Variants in APBA1 observed in about 807,000 individuals in gnomAD.
APBA1 encodes the protein amyloid beta precursor protein binding family A member 1.
APBA1 carries 55 observed loss-of-function variants against 86.6 expected under a neutral mutation model. The observed-to-expected ratio is 0.64, with a 90% CI of 0.51 to 0.80. The LOEUF is 0.80. APBA1 is among the 30% of genes least tolerant of loss of function. APBA1 has a pLI of 0.00. For missense variants in APBA1, 1,090 were observed against 1,183.0 expected, an observed-to-expected ratio of 0.92 and a Z score of 1.15; for synonymous variants, 511 against 493.9, an observed-to-expected ratio of 1.03 and a Z score of -0.46.
chr9:69,455,226 C>T (rs962488653), intron 8 of APBA1, among the ~76,000 whole-genome samples: 1 of 152,158 alleles, frequency 6.6e-6, no homozygotes, highest in Admixed American at 6.5e-5. Context: ...CTCCGTGCTC[C>T]ATGTGAGAAA....
At chr9:69,434,418 C>CAAAA (rs60462019) in intron 11 of APBA1, among the ~76,000 whole-genome samples, 2 of 142,632 alleles carry the variant, frequency 1.4e-5, no homozygotes, top group Non-Finnish European at 3.1e-5. Context: ...TGGCTTAAAA[C>CAAAA]AAAAAAAAAA....
At chr9:69,614,063 G>A (rs1411980508) in intron 1 of APBA1, among the ~76,000 whole-genome samples, 1 of 152,112 alleles carries the variant, frequency 6.6e-6, no homozygotes, top group African/African-American at 2.4e-5. Context: ...AGCTTTGAAA[G>A]GGTTAAGGTT....
intron 1 of APBA1, among the ~76,000 whole-genome samples, chr9:69,625,107 G>T (rs916565991): frequency 6.6e-6 from 1 of 152,086 alleles, no homozygotes; most frequent in Non-Finnish European, 1.5e-5. Context: ...TGCACAACAT[G>T]GTCTTTATTT....
chr9:69,566,952 A>G (rs1218834980), intron 1 of APBA1, among the ~76,000 whole-genome samples: 5 of 152,182 alleles, frequency 3.3e-5, no homozygotes. Flanking sequence ...AACTCTGTTC[A>G]TGTTATTTCT....
At chr9:69,560,239 C>G in intron 1 of APBA1, among the ~76,000 whole-genome samples, 2 of 152,262 alleles carry the variant, frequency 1.3e-5, no homozygotes, top group Middle Eastern at 6.8e-3. Context: ...CTCTTTCTTT[C>G]TTTTGATCTT....
chr9:69,667,500 G>A (rs1823864458), intron 1 of APBA1, among the ~76,000 whole-genome samples: 1 of 150,980 alleles, frequency 6.6e-6, no homozygotes, highest in Admixed American at 6.6e-5. Context: ...AAAAGACTGT[G>A]GCCAAATTCC....
intron 1 of APBA1, among the ~76,000 whole-genome samples, chr9:69,645,623 G>A (rs1332681801): frequency 2.6e-5 from 4 of 152,210 alleles, no homozygotes; most frequent in Admixed American, 2.6e-4. Context: ...GGCGGACTGG[G>A]AGCTTACATT....
chr9:69,461,946 T>C (rs1835198166), intron 5 of APBA1: 1 of 152,210 alleles, frequency 6.6e-6, no homozygotes, highest in Admixed American at 6.5e-5. Flanking sequence ...ATGCTACAAC[T>C]TAGGCAAAGC....
chr9:69,436,314 A>AG (rs1291434071), intron 11 of APBA1, among the ~76,000 whole-genome samples: 20 of 150,806 alleles, frequency 1.3e-4, no homozygotes, highest in African/African-American at 4.1e-4. Context: ...AATTCTGTGA[A>AG]GAAAGTCATT....
intron 1 of APBA1, among the ~76,000 whole-genome samples, chr9:69,604,519 CAT>C (rs1242150964): frequency 2.9e-5 from 4 of 139,360 alleles, no homozygotes; most frequent in Admixed American, 1.5e-4. Context: ...CACATGCACA[CAT>C]GAGGGTAACA....
At chr9:69,522,098 A>T (rs4744905) in intron 1 of APBA1, among the ~76,000 whole-genome samples, 108,178 of 149,900 alleles carry the variant, frequency 0.72, 39,209 homozygotes, top group East Asian at 0.91. Flanking sequence ...TATATAAATT[A>T]TATATATATA....
intron 1 of APBA1, among the ~76,000 whole-genome samples, chr9:69,608,041 C>CA (rs1436270053): frequency 6.6e-6 from 1 of 152,164 alleles, no homozygotes; most frequent in Non-Finnish European, 1.5e-5. Context: ...AGGATGGAAA[C>CA]AAGCCACATC....
At position 69,570,218 on chromosome 9, in the gene APBA1, C is replaced by T. The variant is rs544678593; in HGVS notation, c.-69-52939G>A. Among the ~76,000 whole-genome samples, 6 of 152,182 alleles carry T rather than the reference C, an allele frequency of 3.9e-5. No homozygotes were observed. The South Asian group carries it at 8.3e-4, about 21-fold the overall frequency. On this transcript the variant is annotated intron_variant, in intron 1 of 12. Coordinates refer to ENST00000265381, the MANE Select transcript of APBA1 (RefSeq NM_001163.4). Reference sequence around the variant, plus strand: ...CTTTAATATAAAGTGTACTGAGTGCCGACTCTGTGCCAGGCAGTGATGACA... The same window carrying T: ...CTTTAATATAAAGTGTACTGAGTGCTGACTCTGTGCCAGGCAGTGATGACA...
chr9:69,610,999 C>G (rs1822574665), intron 1 of APBA1, among the ~76,000 whole-genome samples: 1 of 151,036 alleles, frequency 6.6e-6, no homozygotes, highest in Non-Finnish European at 1.5e-5. Flanking sequence ...GCTGACTTTT[C>G]TGCTGGTGTT....
chr9:69,490,380 T>C (rs1376616568), intron 2 of APBA1, among the ~76,000 whole-genome samples: 1 of 151,646 alleles, frequency 6.6e-6, no homozygotes, highest in African/African-American at 2.4e-5. Flanking sequence ...TGCTAAATGA[T>C]GAATTAATGG....
At chr9:69,529,569 C>T (rs988878000) in intron 1 of APBA1, among the ~76,000 whole-genome samples, 3 of 152,096 alleles carry the variant, frequency 2.0e-5, no homozygotes, top group African/African-American at 7.2e-5. Flanking sequence ...GATATGGTAT[C>T]TGCATTTATA....
intron 1 of APBA1, among the ~76,000 whole-genome samples, chr9:69,669,218 A>G (rs1011720502): frequency 8.5e-5 from 13 of 152,200 alleles, no homozygotes; most frequent in African/African-American, 2.2e-4. Context: ...AATTCTCTCA[A>G]TTTTAGCAAC....
Position 69,429,718 on chromosome 9 carries a change from C to T in APBA1, c.*1609G>A, listed in dbSNP as rs1834555055. 6.6e-6 allele frequency: 1 copy of T among 151,874 alleles called. No homozygotes were observed. The highest frequency in any genetic ancestry group is 2.4e-5 in the African/African-American group (1 of 41,340). 9.4% of individuals were successfully genotyped at this position (151,874 alleles called of 1,614,324 possible). A position where few individuals can be genotyped will look rare whatever the true frequency, so the allele number is the denominator to read the frequency against. ...TCCCTCCTTAGAATCCCTCCATTCT[C>T]TCTATAAATACATGCTACCCACCAT... On this transcript the variant is annotated 3_prime_UTR_variant, in exon 13 of 13. Coordinates refer to ENST00000265381, the MANE Select transcript of APBA1 (RefSeq NM_001163.4).
At chr9:69,541,257 C>CCA (rs540439670) in intron 1 of APBA1, among the ~76,000 whole-genome samples, 70 of 149,330 alleles carry the variant, frequency 4.7e-4, no homozygotes, top group Non-Finnish European at 7.0e-4. Flanking sequence ...AGGGACCCCC[C>CCA]CCCCCATTCT....
Sources: gnomAD v4.1 joint callset for allele counts (sites outside exome capture counted in the v4.1 genomes callset) on GRCh38, gnomAD v4.1.1 for gene constraint, MANE v1.5 for transcripts, NCBI Gene and HGNC (gene_info 2026-07-23, HGNC 2026-07-21) for gene names.